Variants in RFX1 observed in about 807,000 individuals in gnomAD.
RFX1 encodes the protein regulatory factor X1.
A neutral mutation model predicts 119.6 loss-of-function variants in RFX1; 42 were observed. The observed-to-expected ratio is 0.35, with a 90% CI of 0.27 to 0.45. The LOEUF is 0.45. Ranked by LOEUF, RFX1 falls within the 20% of genes least tolerant of loss-of-function variation. RFX1 has a pLI of 1.00. For missense variants in RFX1, 1,118 were observed against 1,368.1 expected (o/e 0.82, Z 2.88); for synonymous variants, 628 against 618.5 (o/e 1.02, Z -0.23).
rs1199023847 is a variant in RFX1, at chr19:13,972,734, G to A, written c.1314+9C>T. 1.3e-6 allele frequency: 2 copies of A among 1,584,922 alleles called. No individual in the cohort carries two copies. Among genetic ancestry groups the A allele is most frequent in the South Asian group, 1.1e-5 (1 of 87,122 alleles). On this transcript the variant is annotated intron_variant, in intron 9 of 20. Coordinates refer to ENST00000254325, the MANE Select transcript of RFX1 (RefSeq NM_002918.5). The stretch of plus-strand genomic sequence containing the variant: ...CTGCCTCCTCTGGGGCCCGCGTTGG[G>A]GCACTTACCGTGGCTGGCGAGGCAC...
rs534568112 is a variant in RFX1, at chr19:13,965,560, C to G, written c.2114-14G>C. 6.7e-7 allele frequency: 1 copy of G among 1,484,018 alleles called. No homozygotes were observed. Among genetic ancestry groups the G allele is most frequent in the Non-Finnish European group, 9.2e-7 (1 of 1,090,960 alleles). 91.9% of individuals were successfully genotyped at this position (1,484,018 alleles called of 1,614,324 possible). A position where few individuals can be genotyped will look rare whatever the true frequency, so the allele number is the denominator to read the frequency against. ...GGGTCAAGGCACCTGTGGGCGGTGG[C>G]GGGGGTCGGTCAGGGCAGGGCGGGT... is the stretch of plus-strand genomic sequence containing the variant. On this transcript the variant is annotated splice_polypyrimidine_tract_variant and intron_variant, in intron 15 of 20. Coordinates refer to ENST00000254325, the MANE Select transcript of RFX1 (RefSeq NM_002918.5). This position sits in a 1 kb window ranked among gnomAD's most constrained non-coding sequence, Gnocchi z 4.7.
rs1310129846 is a variant in RFX1 at position 13,965,193 on chromosome 19, T to C, written c.2211+256A>G. 6.6e-6 allele frequency among the ~76,000 whole-genome samples: 1 copy of C among 152,150 alleles called. No homozygotes were observed. Among genetic ancestry groups the C allele is most frequent in the African/African-American group, 2.4e-5 (1 of 41,426 alleles). ...GGAACTACTGTACATTTGCAGTTGG[T>C]TTTTATTTTTGAAAGATGCTGTGTT... On this transcript the variant is annotated intron_variant, in intron 16 of 20. Coordinates refer to ENST00000254325, the MANE Select transcript of RFX1 (RefSeq NM_002918.5). The surrounding 1 kb of genome is among the most constrained non-coding windows in gnomAD (Gnocchi z 4.7).
Position 13,980,707 on chromosome 19 carries a change from A to G in RFX1, c.622-18T>C. On this transcript the variant is annotated intron_variant, in intron 5 of 20. Transcript: ENST00000254325. The surrounding 1 kb of genome is among the most constrained non-coding windows in gnomAD (Gnocchi z 5.1). ...GGCGACTGCTGTAAGGGAAGGAGAC[A>G]CAGGAGTGCCGCTGGGGTGGGCTTG... is the stretch of plus-strand genomic sequence containing the variant. The G allele has an allele frequency of 1.0e-6, 1 of 983,266 alleles. No individual in the cohort carries two copies. Among genetic ancestry groups the G allele is most frequent in the Non-Finnish European group, 1.3e-6 (1 of 745,246 alleles). 60.9% of individuals were successfully genotyped at this position (983,266 alleles called of 1,614,324 possible). A position where few individuals can be genotyped will look rare whatever the true frequency, so the allele number is the denominator to read the frequency against.
intron 8 of RFX1, among the ~76,000 whole-genome samples, chr19:13,977,462 G>C (rs529482043): frequency 2.0e-5 from 3 of 151,620 alleles, no homozygotes; most frequent in Non-Finnish European, 4.4e-5. Flanking sequence ...TATTGCCCAG[G>C]CTAGAGTACA....
intron 1 of RFX1, among the ~76,000 whole-genome samples, chr19:13,996,085 G>T (rs892860829): frequency 2.6e-5 from 4 of 152,072 alleles, no homozygotes; most frequent in Non-Finnish European, 5.9e-5. Flanking sequence ...GCTGTTAAAG[G>T]GTGTGTTCCT....
intron 9 of RFX1, among the ~76,000 whole-genome samples, chr19:13,970,430 T>G (rs1403505199): frequency 6.6e-6 from 1 of 151,968 alleles, no homozygotes; most frequent in Non-Finnish European, 1.5e-5. Context: ...GTTCCAGCAC[T>G]TTGGGAGGCT....
chr19:13,994,651 G>A (rs2145624836), intron 1 of RFX1, among the ~76,000 whole-genome samples: 1 of 151,346 alleles, frequency 6.6e-6, no homozygotes, highest in Admixed American at 6.6e-5. Context: ...GGAGGCGGAG[G>A]TGGCAGTAAG....
Position 13,980,041 on chromosome 19 carries a change from AG to A in RFX1, c.739-500del, listed in dbSNP as rs1354000804. ...GGAGTATCTGTGAAACCTCTGGGACAGGGTTTCTGTTTACACTTGGGGAAGG... is the reference window on the plus strand; with the variant it reads ...GGAGTATCTGTGAAACCTCTGGGACAGGTTTCTGTTTACACTTGGGGAAGG... On this transcript the variant is annotated intron_variant, in intron 6 of 20. Coordinates refer to ENST00000254325, the MANE Select transcript of RFX1 (RefSeq NM_002918.5). This position sits in a 1 kb window ranked among gnomAD's most constrained non-coding sequence, Gnocchi z 5.1. 6.6e-6 allele frequency among the ~76,000 whole-genome samples: 1 copy of A among 152,104 alleles called. No individual in the cohort carries two copies. Among genetic ancestry groups the A allele is most frequent in the Non-Finnish European group, 1.5e-5 (1 of 68,002 alleles).
intron 18 of RFX1, 45 bp downstream of exon 18, chr19:13,963,493 G>A: frequency 1.3e-6 from 2 of 1,529,242 alleles, no homozygotes; most frequent in South Asian, 1.2e-5. Flanking sequence ...AGGGACGCGG[G>A]GCCTTCCCTG....
intron 1 of RFX1, 37 bp from the exon 2 acceptor site, chr19:13,993,932 A>G (rs1568480609): frequency 5.5e-6 from 6 of 1,092,778 alleles, no homozygotes; most frequent in Admixed American, 2.5e-5. Flanking sequence ...AGAGAAAAAC[A>G]AAACAAAACA....
intron 7 of RFX1, among the ~76,000 whole-genome samples, chr19:13,978,829 C>T (rs1351008247): frequency 2.0e-5 from 3 of 152,152 alleles, no homozygotes; most frequent in Non-Finnish European, 4.4e-5. Context: ...GGGGCTGGCT[C>T]GGGCCGGGAG....
chr19:13,991,418 G>A (rs1311682013), intron 2 of RFX1, among the ~76,000 whole-genome samples: 2 of 152,130 alleles, frequency 1.3e-5, no homozygotes, highest in Non-Finnish European at 2.9e-5. Context: ...ACTGCAGCCC[G>A]ACCTCAACCA....
intron 6 of RFX1, among the ~76,000 whole-genome samples, chr19:13,979,914 C>T (rs917738012): frequency 2.6e-5 from 4 of 151,976 alleles, no homozygotes; most frequent in Non-Finnish European, 4.4e-5. Context: ...ATCCTAGGGG[C>T]GCAGAGCCAG....
At chr19:13,970,661 CAAAAAAAAAAAAAAAAAAAAA>C (rs1167910642) in intron 9 of RFX1, among the ~76,000 whole-genome samples, 5 of 25,822 alleles carry the variant, frequency 1.9e-4, no homozygotes, top group Non-Finnish European at 3.8e-4. Flanking sequence ...GACCTTGTCT[CAAAAAAAAAAAAAAAAAAAAA>C]AAAAAAAAAA....
At position 13,973,054 on chromosome 19, in the gene RFX1, C is replaced by T. The variant is rs753483809; in HGVS notation, c.1003G>A (p.Ala335Thr). ...QTASTSYYEA[A>T]GTATQVSTPA... ...GTGCTGACCTGGGTGGCCGTGCCTG[C>T]GGCCTCGTAGTAGCTGGTGCTTGCC... Residue 335 changes from alanine to threonine, a missense_variant, in exon 9 of 21, where the codon GCA becomes ACA. Physicochemically the swap from Ala to Thr is moderately conservative, Grantham distance 58. Coordinates refer to ENST00000254325, the MANE Select transcript of RFX1 (RefSeq NM_002918.5). 35 of 1,601,664 alleles carry T rather than the reference C, an allele frequency of 2.2e-5. No homozygotes were observed. Among genetic ancestry groups the T allele is most frequent in the African/African-American group, 1.6e-4 (12 of 74,908 alleles).
At chr19:13,982,274 C>A in intron 4 of RFX1, 46 bp from the exon 5 acceptor site, 1 of 1,111,568 alleles carries the variant, frequency 9.0e-7, no homozygotes, top group South Asian at 3.9e-5. Flanking sequence ...GATGACAGCC[C>A]GTGCAGTTGC....
Position 13,968,647 on chromosome 19 carries a change from G to C in RFX1, c.1650C>G (p.Thr550=), listed in dbSNP as rs1267803069. The part of the protein sequence containing the change: ...LKPIQKMEGM[T]NGVAVGQQPS... ...GCTGCTGCCCCACCGCCACGCCGTT[G>C]GTCATGCCTTCCATCTTCTGGATGG... Residue 550 remains threonine, a synonymous_variant, in exon 12 of 21, where the codon ACC becomes ACG. Coordinates refer to ENST00000254325, the MANE Select transcript of RFX1 (RefSeq NM_002918.5). This position sits in a 1 kb window ranked among gnomAD's most constrained non-coding sequence, Gnocchi z 5.5. The C allele has an allele frequency of 1.9e-6, 3 of 1,613,212 alleles. No homozygotes were observed.
chr19:13,984,632 AC>A (rs368791307), intron 2 of RFX1, among the ~76,000 whole-genome samples: 93 of 151,954 alleles, frequency 6.1e-4, no homozygotes, highest in African/African-American at 2.2e-3. Context: ...GACCTGGCAT[AC>A]CCCCAGCAGC....
chr19:13,996,288 G>C (rs1480100956), intron 1 of RFX1, among the ~76,000 whole-genome samples: 1 of 152,216 alleles, frequency 6.6e-6, no homozygotes, highest in Non-Finnish European at 1.5e-5. Context: ...GCTCCTGCCT[G>C]GCCCCAGAAG....
Sources: allele counts gnomAD v4.1 joint callset (sites outside exome capture counted in the v4.1 genomes callset), GRCh38; gene constraint gnomAD v4.1.1; non-coding constraint Gnocchi (gnomAD v3.1); transcripts MANE v1.5; gene names NCBI Gene and HGNC (gene_info 2026-07-23, HGNC 2026-07-21).